Variants in HDAC4 observed in about 807,000 individuals in gnomAD.
HDAC4 encodes histone deacetylase A.
A neutral mutation model predicts 135.1 loss-of-function variants in HDAC4; 16 were observed. That is an observed-to-expected ratio of 0.12 (90% CI 0.08 to 0.18). HDAC4 has a LOEUF of 0.18. HDAC4 is among the 10% of genes least tolerant of loss of function. The probability of loss-of-function intolerance (pLI) is 1.00; values close to 1 mark genes in which losing one functional copy is unlikely to be tolerated. For missense variants in HDAC4, 1,143 were observed against 1,511.8 expected, an observed-to-expected ratio of 0.76 and a Z score of 4.05; for synonymous variants, 685 against 653.4, an observed-to-expected ratio of 1.05 and a Z score of -0.74.
chr2:239,062,999 CCCG>C (rs1351219221), intron 24 of HDAC4, among the ~76,000 whole-genome samples: 1 of 152,108 alleles, frequency 6.6e-6, no homozygotes, highest in Non-Finnish European at 1.5e-5. Context: ...AGGTCCTGAC[CCCG>C]CCAAGGCCCT....
At chr2:239,294,466 C>G (rs1019591660) in intron 2 of HDAC4, among the ~76,000 whole-genome samples, 2 of 152,126 alleles carry the variant, frequency 1.3e-5, no homozygotes, top group Non-Finnish European at 2.9e-5. Context: ...GCAAGGAGGT[C>G]GCGCCACTGT....
chr2:239,099,775 C>T (rs1429602532), intron 16 of HDAC4, among the ~76,000 whole-genome samples: 1 of 152,244 alleles, frequency 6.6e-6, no homozygotes, highest in Non-Finnish European at 1.5e-5. Context: ...GCATCAGCTT[C>T]TCCCTGCAGG....
intron 2 of HDAC4, among the ~76,000 whole-genome samples, chr2:239,343,694 C>T (rs770736687): frequency 1.3e-5 from 2 of 152,112 alleles, no homozygotes; most frequent in Non-Finnish European, 2.9e-5. Context: ...GCCTGCCCTG[C>T]CTGCCCTGGC....
intron 4 of HDAC4, among the ~76,000 whole-genome samples, chr2:239,189,313 G>C (rs916477179): frequency 6.6e-6 from 1 of 151,994 alleles, no homozygotes; most frequent in Admixed American, 6.6e-5. Context: ...TTTAAAATCT[G>C]GTATCAGATT....
rs938058676 is a variant in HDAC4, at chr2:239,307,878, C to T, written c.22+44800G>A. Among the ~76,000 whole-genome samples the T allele has an allele frequency of 1.3e-5, 2 of 152,196 alleles. No individual in the cohort carries two copies. The highest frequency in any genetic ancestry group is 3.2e-3 in the Middle Eastern group (1 of 316). ...CTGTCACACACGTCTCCACGCACCC[C>T]GAGCCACATCACGTTTTGCCACTAT... On this transcript the variant is annotated intron_variant, in intron 2 of 26. Coordinates refer to ENST00000543185, the MANE Select transcript of HDAC4 (RefSeq NM_001378414.1). The surrounding 1 kb of genome is among the most constrained non-coding windows in gnomAD (Gnocchi z 4.8).
At chr2:239,347,390 G>A (rs1039606834) in intron 2 of HDAC4, among the ~76,000 whole-genome samples, 3 of 152,214 alleles carry the variant, frequency 2.0e-5, no homozygotes, top group African/African-American at 7.2e-5. Flanking sequence ...CCAAGTCATT[G>A]TGGACAGAGA....
chr2:239,054,941 G>C, intron 24 of HDAC4, 108 bp from the exon 25 acceptor site: 1 of 812,040 alleles, frequency 1.2e-6, no homozygotes, highest in Non-Finnish European at 2.2e-6. Context: ...ACCCTTGTGG[G>C]GTGCATTTGC....
At position 239,186,555 on chromosome 2, in the gene HDAC4, C is replaced by T. The variant is rs2153034386; in HGVS notation, c.339+3278G>A. ...TCTTTCTGTGCTTTTGAGACCCTGGCCCAGAGACTGGCTCCAGAGCCATGG... is the reference window on the plus strand; with the variant it reads ...TCTTTCTGTGCTTTTGAGACCCTGGTCCAGAGACTGGCTCCAGAGCCATGG... On this transcript the variant is annotated intron_variant, in intron 4 of 26. Coordinates refer to ENST00000543185, the MANE Select transcript of HDAC4 (RefSeq NM_001378414.1). 2.0e-5 allele frequency: 3 copies of T among 152,386 alleles called. 1 individual carries two copies. The South Asian group carries it at 6.2e-4, about 32-fold the overall frequency. 9.4% of individuals were successfully genotyped at this position (152,386 alleles called of 1,614,324 possible).
chr2:239,267,957 T>C (rs1409244136), intron 2 of HDAC4, among the ~76,000 whole-genome samples: 1 of 152,188 alleles, frequency 6.6e-6, no homozygotes. Flanking sequence ...AAAAGACAAA[T>C]ATCAAGCACT....
chr2:239,159,595 T>G (rs1481591616), intron 6 of HDAC4, among the ~76,000 whole-genome samples: 1 of 145,306 alleles, frequency 6.9e-6, no homozygotes, highest in South Asian at 2.2e-4. Context: ...CACCTCACAC[T>G]CATACCCCAC....
chr2:239,120,385 A>ACACACAGACG (rs746684832), intron 12 of HDAC4, among the ~76,000 whole-genome samples: 57 of 151,158 alleles, frequency 3.8e-4, no homozygotes, highest in East Asian at 2.2e-3. Flanking sequence ...CCGCAGAGGC[A>ACACACAGACG]CACACAGACG....
chr2:239,110,501 G>C (rs1285993292), intron 14 of HDAC4, among the ~76,000 whole-genome samples: 1 of 152,138 alleles, frequency 6.6e-6, no homozygotes, highest in Non-Finnish European at 1.5e-5. Context: ...TCATCTGGCT[G>C]CTCCTGTGAC....
chr2:239,122,353 C>T (rs530431180), intron 12 of HDAC4, among the ~76,000 whole-genome samples: 1 of 152,296 alleles, frequency 6.6e-6, no homozygotes, highest in Admixed American at 6.5e-5. Context: ...AGAGGTATTT[C>T]GCCTGGACAC....
At chr2:239,255,150 C>A (rs1284426728) in intron 2 of HDAC4, among the ~76,000 whole-genome samples, 2 of 152,104 alleles carry the variant, frequency 1.3e-5, no homozygotes, top group African/African-American at 4.8e-5. Context: ...AAAATCATAT[C>A]CCAGGTGAAA....
At chr2:239,140,805 C>T in intron 8 of HDAC4, 2 of 344,640 alleles carry the variant, frequency 5.8e-6, no homozygotes, top group South Asian at 4.4e-5. Context: ...GCAAAGCCTC[C>T]TCCACGGTCT....
At chr2:239,301,370 G>A (rs1313211379) in intron 2 of HDAC4, among the ~76,000 whole-genome samples, 3 of 152,126 alleles carry the variant, frequency 2.0e-5, no homozygotes, top group Admixed American at 6.5e-5. Context: ...GCTCCAGGGC[G>A]AGAGCAGCAG....
intron 16 of HDAC4, among the ~76,000 whole-genome samples, chr2:239,096,949 A>G (rs1387940028): frequency 6.6e-6 from 1 of 152,092 alleles, no homozygotes; most frequent in Non-Finnish European, 1.5e-5. Flanking sequence ...GCAGGGCAGG[A>G]GGCAGGAGGC....
intron 24 of HDAC4, among the ~76,000 whole-genome samples, chr2:239,063,627 A>T (rs1302297106): frequency 6.6e-6 from 1 of 152,080 alleles, no homozygotes; most frequent in Non-Finnish European, 1.5e-5. Context: ...AGGCCTGGCC[A>T]TGCGTCCCTC....
chr2:239,056,151 C>T (rs2106433797), intron 24 of HDAC4, among the ~76,000 whole-genome samples: 1 of 152,322 alleles, frequency 6.6e-6, no homozygotes, highest in African/African-American at 2.4e-5. Context: ...TTTGGAGGCA[C>T]ACATACCCAC....
Sources: gnomAD v4.1 joint callset for allele counts (sites outside exome capture counted in the v4.1 genomes callset) on GRCh38, gnomAD v4.1.1 for gene constraint, Gnocchi (gnomAD v3.1) non-coding constraint, MANE v1.5 for transcripts, NCBI Gene and HGNC (gene_info 2026-07-23, HGNC 2026-07-21) for gene names.